SLC12A2: variants seen among roughly 807,000 people sequenced by gnomAD.
SLC12A2 encodes solute carrier family 12 member 2.
Under a neutral mutation model 136.3 loss-of-function variants are expected in SLC12A2, and 67 were observed. The ratio of observed to expected loss-of-function variants is 0.49; its 90% CI spans 0.40 to 0.60. The LOEUF (loss-of-function observed/expected upper bound fraction) is 0.60. Ranked by LOEUF, SLC12A2 falls within the 20% of genes least tolerant of loss-of-function variation. SLC12A2 has a pLI of 0.00. For synonymous variants in SLC12A2, 619 were observed against 562.9 expected, an observed-to-expected ratio of 1.10 and a Z score of -1.41; for missense variants, 1,322 against 1,534.7, an observed-to-expected ratio of 0.86 and a Z score of 2.32.
intron 1 of SLC12A2, chr5:128,110,878 G>A: frequency 7.7e-7 from 1 of 1,305,880 alleles, no homozygotes; most frequent in Non-Finnish European, 1.1e-6. Flanking sequence ...CCAGGAATAT[G>A]CCAATTTACA....
At chr5:128,170,072 T>G (rs958133003) in intron 18 of SLC12A2, 11 of 152,234 alleles carry the variant, frequency 7.2e-5, no homozygotes. Context: ...TTTAAATACC[T>G]TGTGCAATTT....
intron 4 of SLC12A2, among the ~76,000 whole-genome samples, chr5:128,120,995 A>G (rs1309756479): frequency 6.6e-6 from 1 of 152,046 alleles, no homozygotes; most frequent in Non-Finnish European, 1.5e-5. Context: ...CTTATCTTGA[A>G]AATTATGTGT....
intron 5 of SLC12A2, among the ~76,000 whole-genome samples, chr5:128,133,892 T>G (rs1762103669): frequency 6.6e-6 from 1 of 152,084 alleles, no homozygotes; most frequent in Admixed American, 6.5e-5. Context: ...TTTTTACTTC[T>G]TTGTTAGCAA....
In SLC12A2 at chr5:128,167,849, T is replaced by G; in HGVS notation, c.2705T>G (p.Met902Arg). 1 of 1,583,478 alleles carries G rather than the reference T, an allele frequency of 6.3e-7. No homozygotes were observed. The highest frequency in any genetic ancestry group is 8.6e-7 in the Non-Finnish European group (1 of 1,157,692). ...CAAGCAGATATGAGGGATGTGGATATGTATATAAACTTATTTCAGTAAGTA... is the reference window on the plus strand; with the variant it reads ...CAAGCAGATATGAGGGATGTGGATAGGTATATAAACTTATTTCAGTAAGTA... ...WLQADMRDVD[M>R]YINLFHDAFD... The change falls in exon 18 of 27, where the codon ATG becomes AGG. Residue 902 changes from methionine (M) to arginine (R), a missense_variant. Coordinates refer to ENST00000262461, the MANE Select transcript of SLC12A2 (RefSeq NM_001046.3).
rs891360280 is a variant in SLC12A2 at position 128,091,406 on chromosome 5, T to C, written c.756+6696T>C. On this transcript the variant is annotated intron_variant, in intron 1 of 26. Coordinates refer to ENST00000262461, the MANE Select transcript of SLC12A2 (RefSeq NM_001046.3). ...ATAGTAGAACTTAAGAAAACAGCTT[T>C]CATTTTTAGCGTAAAAATGTGCTTT... Among the ~76,000 whole-genome samples, 3 of 152,318 alleles carry C rather than the reference T, an allele frequency of 2.0e-5. No homozygotes were observed. In the East Asian group the frequency reaches 5.8e-4, roughly 29 times the overall value.
At chr5:128,155,052 C>T (rs934060417) in intron 15 of SLC12A2, among the ~76,000 whole-genome samples, 7 of 151,880 alleles carry the variant, frequency 4.6e-5, no homozygotes, top group Admixed American at 4.6e-4. Context: ...ATAAGAGTTG[C>T]TTGAACACAG....
At chr5:128,176,923 G>A (rs943918519) in intron 20 of SLC12A2, among the ~76,000 whole-genome samples, 182 bp from the exon 21 acceptor site, 1 of 151,956 alleles carries the variant, frequency 6.6e-6, no homozygotes, top group East Asian at 1.9e-4. Flanking sequence ...TCTCAAATAT[G>A]TTTGCTTTTT....
At chr5:128,161,458 T>C (rs900316018) in intron 16 of SLC12A2, among the ~76,000 whole-genome samples, 11 of 152,174 alleles carry the variant, frequency 7.2e-5, no homozygotes. Context: ...CTGGCATCCC[T>C]GTGCCTTAGC....
chr5:128,149,009 A>G, intron 12 of SLC12A2, 132 bp downstream of exon 12: 3 of 770,630 alleles, frequency 3.9e-6, no homozygotes, highest in Non-Finnish European at 6.1e-6. Context: ...TTTATAAAGT[A>G]CTGTAAGTAA....
At position 128,083,829 on chromosome 5, in the gene SLC12A2, A is replaced by T; in HGVS notation, c.-126A>T. 1 of 703,656 alleles carries T rather than the reference A, an allele frequency of 1.4e-6. No homozygotes were observed. Among genetic ancestry groups the T allele is most frequent in the Non-Finnish European group, 2.0e-6 (1 of 512,816 alleles). The allele number at this position is 703,656 out of a possible 1,614,324, so 43.6% of individuals were successfully genotyped here. ...GCCGTCCAGGCTAGCGGCGGCCCGC[A>T]GGCGGCGGGGAGAAAGACTCTCTCA... On this transcript the variant is annotated 5_prime_UTR_variant, in exon 1 of 27. Transcript: ENST00000262461.
Position 128,094,160 on chromosome 5 carries a change from ACTTAAGCTAACTTCAAG to A in SLC12A2, c.756+9453_756+9469del, listed in dbSNP as rs1356776169. Among the ~76,000 whole-genome samples the A allele has an allele frequency of 3.3e-5, 5 of 151,162 alleles. No homozygotes were observed. The East Asian group carries it at 9.7e-4, about 29-fold the overall frequency. On this transcript the variant is annotated intron_variant, in intron 1 of 26. Transcript: ENST00000262461. Reference sequence around the variant, plus strand: ...TCTATTAACATGGTTGCTTGAGTCAACTTAAGCTAACTTCAAGCTCCATGAGAAGCTGACTTTGTGAT... The same window carrying A: ...TCTATTAACATGGTTGCTTGAGTCAACTCCATGAGAAGCTGACTTTGTGAT...
At chr5:128,180,749 G>A in intron 22 of SLC12A2, 134 bp from the exon 23 acceptor site, 1 of 613,600 alleles carries the variant, frequency 1.6e-6, no homozygotes, top group South Asian at 2.0e-5. Context: ...CTTTTTGACT[G>A]AATTATCAAG....
intron 1 of SLC12A2, among the ~76,000 whole-genome samples, chr5:128,085,846 C>T (rs1024295194): frequency 3.9e-5 from 6 of 152,316 alleles, no homozygotes; most frequent in Admixed American, 2.0e-4. Context: ...AATTACAGAG[C>T]TCTTACAGCT....
chr5:128,113,940 G>A (rs1761250180), intron 2 of SLC12A2, among the ~76,000 whole-genome samples: 1 of 152,078 alleles, frequency 6.6e-6, no homozygotes, highest in Admixed American at 6.5e-5. Flanking sequence ...TTCTTGTTCT[G>A]TTGCTTCTGC....
intron 1 of SLC12A2, chr5:128,110,289 T>C: frequency 1.2e-6 from 1 of 816,264 alleles, no homozygotes; most frequent in Non-Finnish European, 2.2e-6. Flanking sequence ...GATATCGTGA[T>C]GCCTACCTAC....
chr5:128,106,974 G>A lies in SLC12A2; in HGVS notation c.757-5840G>A, dbSNP rs189219186. ...ATTATATTTTCTTGTAATACTTGGAGGTTATATATTTTAAAGTCTGCTTCC... is the reference window on the plus strand; with the variant it reads ...ATTATATTTTCTTGTAATACTTGGAAGTTATATATTTTAAAGTCTGCTTCC... On this transcript the variant is annotated intron_variant, in intron 1 of 26. Coordinates refer to ENST00000262461, the MANE Select transcript of SLC12A2 (RefSeq NM_001046.3). Among the ~76,000 whole-genome samples the A allele has an allele frequency of 7.6e-4, 115 of 152,142 alleles. No homozygotes were observed. The East Asian group carries it at 0.019, about 25-fold the overall frequency.
chr5:128,167,993 T>C, intron 18 of SLC12A2, 126 bp downstream of exon 18: 1 of 570,250 alleles, frequency 1.8e-6, no homozygotes, highest in East Asian at 3.1e-5. Context: ...ACGAAAAGAA[T>C]CACACAAAGC....
intron 17 of SLC12A2, among the ~76,000 whole-genome samples, chr5:128,162,182 A>G (rs1284972438): frequency 6.6e-6 from 1 of 152,176 alleles, no homozygotes; most frequent in African/African-American, 2.4e-5. Flanking sequence ...AAGGCAATCT[A>G]GGAAGAAGGG....
intron 1 of SLC12A2, among the ~76,000 whole-genome samples, chr5:128,105,132 T>A (rs569462949): frequency 6.6e-6 from 1 of 152,358 alleles, no homozygotes; most frequent in East Asian, 1.9e-4. Context: ...TTATAGTATA[T>A]TGACAAGTTC....
Sources: allele counts gnomAD v4.1 joint callset (sites outside exome capture counted in the v4.1 genomes callset), GRCh38; gene constraint gnomAD v4.1.1; transcripts MANE v1.5; gene names NCBI Gene and HGNC (gene_info 2026-07-23, HGNC 2026-07-21).